Variants in PCDHA4 observed in about 807,000 individuals in gnomAD.
PCDHA4 encodes the protein protocadherin alpha 4, also known as protocadherin alpha-4.
In PCDHA4, 49 loss-of-function variants were observed where a neutral mutation model predicts 61.4. That is an observed-to-expected ratio of 0.80 (90% CI 0.63 to 1.01). PCDHA4 has a LOEUF of 1.01. Among genes scored for constraint, PCDHA4 ranks in the 50% least tolerant of loss-of-function variants. The pLI, the probability that PCDHA4 is intolerant of heterozygous loss-of-function variation, is 0.00. For synonymous variants in PCDHA4, 590 were observed against 550.3 expected (o/e 1.07, Z -1.01); for missense variants, 1,254 against 1,235.8 (o/e 1.01, Z -0.22).
At chr5:140,830,246 A>C (rs782731827) in intron 1 of PCDHA4, 3 of 1,613,762 alleles carry the variant, frequency 1.9e-6, no homozygotes, top group Admixed American at 3.3e-5. Context: ...ACTGCTGTAC[A>C]CAGCGCTGCG....
At chr5:140,829,849 T>C in intron 1 of PCDHA4, 1 of 1,613,860 alleles carries the variant, frequency 6.2e-7, no homozygotes, top group Non-Finnish European at 8.5e-7. Context: ...GGTCACTGGG[T>C]GCAGGCCAAG....
At chr5:140,843,273 T>A in intron 1 of PCDHA4, 1 of 1,595,994 alleles carries the variant, frequency 6.3e-7, no homozygotes, top group Non-Finnish European at 8.6e-7. Flanking sequence ...CTGGTCCTGG[T>A]GAAGGATCAT....
At chr5:140,894,236 T>C (rs1205163436) in intron 1 of PCDHA4, among the ~76,000 whole-genome samples, 7 of 152,250 alleles carry the variant, frequency 4.6e-5, no homozygotes, top group South Asian at 2.1e-4. Context: ...TGAATGACAA[T>C]GTAATTTTCT....
intron 2 of PCDHA4, chr5:140,982,271 G>A: frequency 1.1e-6 from 1 of 930,566 alleles, no homozygotes; most frequent in South Asian, 1.9e-5. Flanking sequence ...TCCTGGAATA[G>A]TATAGCAGGC....
intron 3 of PCDHA4, among the ~76,000 whole-genome samples, chr5:140,991,199 C>G (rs1554252002): frequency 6.6e-6 from 1 of 152,150 alleles, no homozygotes; most frequent in East Asian, 1.9e-4. Context: ...CAATGATGCT[C>G]AATAAATTTT....
intron 1 of PCDHA4, chr5:140,852,877 T>G: frequency 1.1e-6 from 1 of 942,140 alleles, no homozygotes; most frequent in Non-Finnish European, 1.3e-6. Flanking sequence ...TCAATAATCA[T>G]AAAACGTATT....
chr5:140,856,891 C>G (rs1432277991), intron 1 of PCDHA4: 3 of 1,595,930 alleles, frequency 1.9e-6, no homozygotes, highest in African/African-American at 2.7e-5. Context: ...ATTCATTTAG[C>G]TCTTTGGTCC....
At chr5:140,968,668 G>A (rs1365342675) in intron 1 of PCDHA4, 3 of 1,614,038 alleles carry the variant, frequency 1.9e-6, no homozygotes, top group African/African-American at 1.3e-5. Flanking sequence ...ACCTCTTTAA[G>A]GTAGAGCTGC....
intron 1 of PCDHA4, among the ~76,000 whole-genome samples, chr5:140,936,673 A>G (rs77819967): frequency 0.018 from 2,748 of 152,254 alleles, 64 homozygotes; most frequent in South Asian, 0.1. Context: ...TGGACTGTCT[A>G]TTCTGTTTCA....
rs114148884 is a variant in PCDHA4 at position 140,924,440 on chromosome 5, C to T, written c.2386-54509C>T. ...CTTTCTAGTTCCCTAGAAGAGATAA[C>T]GAATGGGTTTGTGTGTTTAGGGAGG... On this transcript the variant is annotated intron_variant, in intron 1 of 3. Coordinates refer to ENST00000530339, the MANE Select transcript of PCDHA4 (RefSeq NM_018907.4). Among the ~76,000 whole-genome samples, 538 of 152,252 alleles carry T rather than the reference C, an allele frequency of 3.5e-3. 4 individuals are homozygous for T. Among genetic ancestry groups the T allele is most frequent in the African/African-American group, 0.012 (480 of 41,540 alleles).
chr5:140,813,178 T>G (rs1330522821), intron 1 of PCDHA4: 1 of 152,218 alleles, frequency 6.6e-6, no homozygotes, highest in Non-Finnish European at 1.5e-5. Flanking sequence ...GTTGTTCAAG[T>G]CCTCTGCTTC....
chr5:140,999,574 A>G (rs2097863527), intron 3 of PCDHA4, among the ~76,000 whole-genome samples: 1 of 152,170 alleles, frequency 6.6e-6, no homozygotes, highest in South Asian at 2.1e-4. Context: ...AAGAGACTAT[A>G]AAGGGAAATT....
At chr5:140,950,608 T>G (rs1490243292) in intron 1 of PCDHA4, among the ~76,000 whole-genome samples, 1 of 152,086 alleles carries the variant, frequency 6.6e-6, no homozygotes, top group Non-Finnish European at 1.5e-5. Context: ...GACTATGATG[T>G]GCTTATTTAT....
At chr5:140,991,109 C>A (rs987847767) in intron 3 of PCDHA4, among the ~76,000 whole-genome samples, 1 of 152,156 alleles carries the variant, frequency 6.6e-6, no homozygotes, top group Non-Finnish European at 1.5e-5. Flanking sequence ...AATTAAGTGG[C>A]TTTCTTACAT....
chr5:140,830,422 A>C (rs1771053469), intron 1 of PCDHA4: 6 of 1,613,926 alleles, frequency 3.7e-6, no homozygotes, highest in Admixed American at 1.7e-5. Flanking sequence ...CCAGCCTTTC[A>C]CCTTGTCCTA....
chr5:140,917,260 G>A (rs2077984179), intron 1 of PCDHA4, among the ~76,000 whole-genome samples: 2 of 143,736 alleles, frequency 1.4e-5, no homozygotes, highest in South Asian at 4.4e-4. Flanking sequence ...CTCACCTGAT[G>A]TTTGGTTTTT....
chr5:140,857,393 G>T, intron 1 of PCDHA4: 1 of 1,598,492 alleles, frequency 6.3e-7, no homozygotes, highest in South Asian at 1.1e-5. Context: ...CGACGTGAAC[G>T]ACAACGCGCC....
At chr5:140,827,173 A>G (rs1396480126) in intron 1 of PCDHA4, among the ~76,000 whole-genome samples, 1 of 152,190 alleles carries the variant, frequency 6.6e-6, no homozygotes, top group Non-Finnish European at 1.5e-5. Flanking sequence ...ATACCTCAAT[A>G]AAAGTCTTAT....
chr5:140,846,369 CTTTCTTT>C (rs1320771612), intron 1 of PCDHA4, among the ~76,000 whole-genome samples: 4 of 102,192 alleles, frequency 3.9e-5, no homozygotes, highest in African/African-American at 3.8e-5. Flanking sequence ...TCTTTTCTTT[CTTTCTTT>C]TTTTTTTTTT....
Sources: allele counts gnomAD v4.1 joint callset (sites outside exome capture counted in the v4.1 genomes callset), GRCh38; gene constraint gnomAD v4.1.1; transcripts MANE v1.5; gene names NCBI Gene and HGNC (gene_info 2026-07-23, HGNC 2026-07-21).